AKAP19: variants seen among roughly 807,000 people sequenced by gnomAD.
The protein encoded by AKAP19 is A-kinase anchoring protein 19.
chr2:189,976,963 C>T, the AKAP19 span, among the ~76,000 whole-genome samples: 12 of 152,128 alleles, frequency 7.9e-5, no homozygotes, highest in Admixed American at 2.0e-4. Flanking sequence ...GGCTCACACT[C>T]GGTGGGCTGC....
At chr2:189,927,975 C>G in the AKAP19 span, among the ~76,000 whole-genome samples, 1 of 152,076 alleles carries the variant, frequency 6.6e-6, no homozygotes, top group Non-Finnish European at 1.5e-5. Context: ...CCATTAATGT[C>G]TTTTGTAGTA....
chr2:189,984,781 G>A, the AKAP19 span, among the ~76,000 whole-genome samples: 21 of 152,164 alleles, frequency 1.4e-4, no homozygotes, highest in East Asian at 2.9e-3. Flanking sequence ...CACAATCCAC[G>A]TTCTTCTGTC....
the AKAP19 span, among the ~76,000 whole-genome samples, chr2:190,172,906 A>T: frequency 6.6e-6 from 1 of 152,182 alleles, no homozygotes; most frequent in Non-Finnish European, 1.5e-5. Flanking sequence ...TGAGGTCAGG[A>T]GTTGGAAACC....
At chr2:190,057,376 C>T in the AKAP19 span, 3 of 1,613,464 alleles carry the variant, frequency 1.9e-6, no homozygotes, top group Non-Finnish European at 2.5e-6. Flanking sequence ...ACAGCAAGGG[C>T]CTGCTGAACC....
the AKAP19 span, among the ~76,000 whole-genome samples, chr2:190,102,477 G>A: frequency 6.6e-6 from 1 of 151,948 alleles, no homozygotes; most frequent in East Asian, 1.9e-4. Flanking sequence ...ATCCAAATCA[G>A]CACAATCAGA....
chr2:189,903,978 G>A, the AKAP19 span, among the ~76,000 whole-genome samples: 1 of 151,958 alleles, frequency 6.6e-6, no homozygotes, highest in Non-Finnish European at 1.5e-5. Context: ...TGTATAACTT[G>A]TAGAAAGTAA....
At chr2:190,065,143 G>A in the AKAP19 span, among the ~76,000 whole-genome samples, 2 of 151,936 alleles carry the variant, frequency 1.3e-5, no homozygotes, top group African/African-American at 4.8e-5. Flanking sequence ...CACATATTTT[G>A]TGCTTCTTTT....
At chr2:189,957,595 TAAG>T in the AKAP19 span, among the ~76,000 whole-genome samples, 1 of 152,202 alleles carries the variant, frequency 6.6e-6, no homozygotes. Context: ...TGTAGTTAAA[TAAG>T]AAGATATTAT....
chr2:189,924,162 G>C, the AKAP19 span: 3 of 1,610,388 alleles, frequency 1.9e-6, no homozygotes, highest in South Asian at 3.3e-5. Context: ...ATGAAAAAGA[G>C]GCTGAGGAAG....
the AKAP19 span, among the ~76,000 whole-genome samples, chr2:189,971,691 T>C: frequency 2.6e-5 from 4 of 152,224 alleles, no homozygotes; most frequent in African/African-American, 9.6e-5. Context: ...TGGTGTGAGA[T>C]GGTATCTCAT....
At chr2:190,176,415 T>G in the AKAP19 span, among the ~76,000 whole-genome samples, 1 of 152,100 alleles carries the variant, frequency 6.6e-6, no homozygotes, top group Non-Finnish European at 1.5e-5. This position sits in a 1 kb window ranked among gnomAD's most constrained non-coding sequence, Gnocchi z 4.7. Context: ...TGGTGTGATC[T>G]CGGCTCACTG....
At chr2:190,022,448 C>G in the AKAP19 span, among the ~76,000 whole-genome samples, 2 of 152,060 alleles carry the variant, frequency 1.3e-5, no homozygotes, top group Non-Finnish European at 2.9e-5. Context: ...TCTTATTAAC[C>G]AGTTCAAATT....
At chr2:190,198,888 T>C in the AKAP19 span, among the ~76,000 whole-genome samples, 1 of 152,176 alleles carries the variant, frequency 6.6e-6, no homozygotes, top group Non-Finnish European at 1.5e-5. Flanking sequence ...ATCACAAGCA[T>C]TGTCATCTAT....
chr2:189,950,138 C>T, the AKAP19 span, among the ~76,000 whole-genome samples: 3 of 146,772 alleles, frequency 2.0e-5, no homozygotes, highest in East Asian at 2.1e-4. Flanking sequence ...AGTGATTCTC[C>T]TGCCTCAGCA....
chr2:190,072,693 G>C, the AKAP19 span, among the ~76,000 whole-genome samples: 1 of 151,920 alleles, frequency 6.6e-6, no homozygotes, highest in Non-Finnish European at 1.5e-5. Flanking sequence ...AAAATGAATA[G>C]TCAAAATAAA....
chr2:190,192,207 G>T, the AKAP19 span, among the ~76,000 whole-genome samples: 1 of 151,998 alleles, frequency 6.6e-6, no homozygotes, highest in Admixed American at 6.6e-5. Context: ...TTGTTGAAAA[G>T]ATTATCCTTT....
At chr2:190,069,175 T>TGTGTGTGTGTGTGTGTGTGAGAGA in the AKAP19 span, among the ~76,000 whole-genome samples, 2 of 123,540 alleles carry the variant, frequency 1.6e-5, no homozygotes, top group African/African-American at 6.5e-5. Context: ...TGTGTGTGTG[T>TGTGTGTGTGTGTGTGTGTGAGAGA]GAGAGAGAGA....
chr2:189,943,933 A>G, the AKAP19 span, among the ~76,000 whole-genome samples: 2 of 152,228 alleles, frequency 1.3e-5, no homozygotes, highest in African/African-American at 4.8e-5. Flanking sequence ...CTCCGATTGT[A>G]TCTTGAAAGT....
the AKAP19 span, among the ~76,000 whole-genome samples, chr2:190,072,347 C>T: frequency 2.6e-5 from 4 of 151,872 alleles, no homozygotes; most frequent in Admixed American, 6.6e-5. Context: ...CCAATCATAC[C>T]CCAAAACCTC....
Sources: allele counts gnomAD v4.1 joint callset (sites outside exome capture counted in the v4.1 genomes callset), GRCh38; gene constraint gnomAD v4.1.1; non-coding constraint Gnocchi (gnomAD v3.1); transcripts MANE v1.5; gene names NCBI Gene and HGNC (gene_info 2026-07-23, HGNC 2026-07-21).